SPATC1: variants seen among roughly 807,000 people sequenced by gnomAD.
SPATC1 encodes the protein speriolin.
A neutral mutation model predicts 36.5 loss-of-function variants in SPATC1; 35 were observed. That is an observed-to-expected ratio of 0.96 (90% CI 0.73 to 1.27). The LOEUF is 1.27. Ranked by LOEUF, SPATC1 falls within the 50% of genes most tolerant of loss-of-function variation. The probability of loss-of-function intolerance (pLI) is 0.00; values close to 1 mark genes in which losing one functional copy is unlikely to be tolerated. For synonymous variants in SPATC1, 361 were observed against 353.6 expected, an observed-to-expected ratio of 1.02 and a Z score of -0.24; for missense variants, 779 against 796.0, an observed-to-expected ratio of 0.98 and a Z score of 0.26.
At chr8:144,018,592 T>C (rs1834438848) in intron 1 of SPATC1, among the ~76,000 whole-genome samples, 1 of 151,996 alleles carries the variant, frequency 6.6e-6, no homozygotes, top group Admixed American at 6.6e-5. Context: ...TCTTCCACTA[T>C]CCTAGAAGGG....
At chr8:144,030,605 C>T (rs936728587) in intron 1 of SPATC1, among the ~76,000 whole-genome samples, 10 of 152,110 alleles carry the variant, frequency 6.6e-5, no homozygotes, top group South Asian at 2.1e-4. Context: ...GTGATCCACC[C>T]GCCTCAGCCT....
At position 144,012,338 on chromosome 8, in the gene SPATC1, G is replaced by A. The variant is rs1188385555; in HGVS notation, c.-178G>A. ...CCTGGTGGCATGGAGAGCTGAGGGTGTTAGAGCAGAGAGGGCAAGGAAGAG... is the reference window on the plus strand; with the variant it reads ...CCTGGTGGCATGGAGAGCTGAGGGTATTAGAGCAGAGAGGGCAAGGAAGAG... On this transcript the variant is annotated 5_prime_UTR_variant, in exon 1 of 5. Coordinates refer to ENST00000377470, the MANE Select transcript of SPATC1 (RefSeq NM_198572.3). 5 of 613,570 alleles carry A rather than the reference G, an allele frequency of 8.1e-6. No individual in the cohort carries two copies. The highest frequency in any genetic ancestry group is 1.8e-5 in the African/African-American group (1 of 54,110). 38.0% of individuals were successfully genotyped at this position (613,570 alleles called of 1,614,324 possible). A position where few individuals can be genotyped will look rare whatever the true frequency, so the allele number is the denominator to read the frequency against.
chr8:144,024,684 A>T (rs1834637466), intron 1 of SPATC1, among the ~76,000 whole-genome samples: 1 of 140,888 alleles, frequency 7.1e-6, no homozygotes, highest in Non-Finnish European at 1.5e-5. Context: ...TCCTCAGGAA[A>T]CTTTTCTCTC....
intron 1 of SPATC1, among the ~76,000 whole-genome samples, chr8:144,013,406 T>C (rs1834319011): frequency 6.6e-6 from 1 of 152,126 alleles, no homozygotes; most frequent in South Asian, 2.1e-4. Flanking sequence ...CACTGGAACT[T>C]AGCTCACTCC....
rs1835227924 is a variant in SPATC1 at position 144,045,235 on chromosome 8, A to G, written c.1447-1392A>G. ...GTCTTCCTGCCCCCCACAACTGTGCATATTACTCGTTTGCCTAGAAGGCTC... is the reference window on the plus strand; with the variant it reads ...GTCTTCCTGCCCCCCACAACTGTGCGTATTACTCGTTTGCCTAGAAGGCTC... On this transcript the variant is annotated intron_variant, in intron 4 of 4. Coordinates refer to ENST00000377470, the MANE Select transcript of SPATC1 (RefSeq NM_198572.3). The surrounding 1 kb of genome is among the most constrained non-coding windows in gnomAD (Gnocchi z 5.2). Among the ~76,000 whole-genome samples, 1 of 152,184 alleles carries G rather than the reference A, an allele frequency of 6.6e-6. No homozygotes were observed. Among genetic ancestry groups the G allele is most frequent in the African/African-American group, 2.4e-5 (1 of 41,448 alleles).
intron 1 of SPATC1, among the ~76,000 whole-genome samples, chr8:144,019,335 C>T (rs1327548498): frequency 3.9e-5 from 6 of 152,176 alleles, no homozygotes; most frequent in African/African-American, 1.4e-4. Context: ...AATAAAGAGG[C>T]CAGTGGACTG....
In SPATC1 at chr8:144,045,794, G is replaced by A. The variant is rs1333554641; in HGVS notation, c.1447-833G>A. 7.2e-5 allele frequency among the ~76,000 whole-genome samples: 11 copies of A among 152,248 alleles called. No homozygotes were observed. The highest frequency in any genetic ancestry group is 1.2e-4 in the Non-Finnish European group (8 of 68,050). On this transcript the variant is annotated intron_variant, in intron 4 of 4. Coordinates refer to ENST00000377470, the MANE Select transcript of SPATC1 (RefSeq NM_198572.3). This position sits in a 1 kb window ranked among gnomAD's most constrained non-coding sequence, Gnocchi z 5.2. Reference sequence around the variant, plus strand: ...AAATAATTCAAAACTTAGAACTTCAGGATGGTGCCAACAGCGCATTGAGCT... The same window carrying A: ...AAATAATTCAAAACTTAGAACTTCAAGATGGTGCCAACAGCGCATTGAGCT...
chr8:144,041,779 A>C (rs1554756132), intron 4 of SPATC1, among the ~76,000 whole-genome samples: 1 of 152,146 alleles, frequency 6.6e-6, no homozygotes, highest in East Asian at 1.9e-4. Context: ...CCTACTTACC[A>C]CTTGGGCTTC....
At chr8:144,042,427 C>G (rs192191780) in intron 4 of SPATC1, among the ~76,000 whole-genome samples, 61 of 144,854 alleles carry the variant, frequency 4.2e-4, no homozygotes, top group African/African-American at 1.5e-3. Flanking sequence ...TCAAGCAATT[C>G]TCCTGCCTCA....
Position 144,045,809 on chromosome 8 carries a change from C to T in SPATC1, c.1447-818C>T, listed in dbSNP as rs968539365. 1.3e-5 allele frequency among the ~76,000 whole-genome samples: 2 copies of T among 152,236 alleles called. No homozygotes were observed. Among genetic ancestry groups the T allele is most frequent in the African/African-American group, 2.4e-5 (1 of 41,464 alleles). On this transcript the variant is annotated intron_variant, in intron 4 of 4. Transcript: ENST00000377470. The surrounding 1 kb of genome is among the most constrained non-coding windows in gnomAD (Gnocchi z 5.2). ...TAGAACTTCAGGATGGTGCCAACAG[C>T]GCATTGAGCTGGGCACTGGGCTTCC...
At chr8:144,042,312 T>TATATATATATATATATATATA (rs1491347915) in intron 4 of SPATC1, among the ~76,000 whole-genome samples, 1 of 35,088 alleles carries the variant, frequency 2.8e-5, no homozygotes, top group African/African-American at 1.8e-4. Context: ...TATATATATA[T>TATATATATATATATATATATA]TTTTTTTTTT....
intron 1 of SPATC1, among the ~76,000 whole-genome samples, chr8:144,014,903 G>A (rs2133095203): frequency 6.6e-6 from 1 of 152,368 alleles, no homozygotes; most frequent in South Asian, 2.1e-4. Context: ...TGTGGTGTGG[G>A]TGTGTGAATG....
At chr8:144,012,812 G>C (rs1027231651) in intron 1 of SPATC1, 86 bp downstream of exon 1, 2 of 1,388,676 alleles carry the variant, frequency 1.4e-6, no homozygotes, top group Non-Finnish European at 2.0e-6. Context: ...GGTCTCAGGA[G>C]GTCATGGAGG....
Position 144,040,584 on chromosome 8 carries a change from G to C in SPATC1, c.783G>C (p.Glu261Asp). The part of the protein sequence containing the change: ...TATTKVPLST[E>D]PPQSTQDPEP... The stretch of plus-strand genomic sequence containing the variant: ...CATCACTAGTCCCACTCTCCACTGA[G>C]CCCCCCCAGTCGACCCAGGACCCAG... The change falls in exon 3 of 5, where the codon GAG (glutamate) becomes GAC (aspartate). Residue 261 changes from glutamate to aspartate, a missense_variant. Physicochemically the swap from Glu to Asp is conservative, Grantham distance 45. Transcript: ENST00000377470. The C allele has an allele frequency of 6.3e-7, 1 of 1,594,724 alleles. No homozygotes were observed. The highest frequency in any genetic ancestry group is 8.5e-7 in the Non-Finnish European group (1 of 1,170,780).
intron 1 of SPATC1, among the ~76,000 whole-genome samples, chr8:144,023,114 TTTCCCTCAGGACCCTC>T (rs1451965281): frequency 1.5e-4 from 5 of 32,956 alleles, no homozygotes; most frequent in African/African-American, 6.7e-4. Flanking sequence ...TCAGGACTCC[TTTCCCTCAGGACCCTC>T]TCCCCCCAGG....
At chr8:144,023,687 CCCCCCTTGGGAT>C (rs1834602830) in intron 1 of SPATC1, among the ~76,000 whole-genome samples, 4 of 222 alleles carry the variant, frequency 0.018, 2 homozygotes, top group East Asian at 0.17. Flanking sequence ...CCCCTCAGGA[CCCCCCTTGGGAT>C]CCTCTCCCCT....
chr8:144,031,006 T>C (rs1311694527), intron 1 of SPATC1, among the ~76,000 whole-genome samples: 6 of 152,254 alleles, frequency 3.9e-5, no homozygotes, highest in African/African-American at 7.2e-5. Context: ...TTTATAATCA[T>C]TGTTTTATAC....
At chr8:144,044,289 C>T (rs1005289789) in intron 4 of SPATC1, among the ~76,000 whole-genome samples, 1 of 144,108 alleles carries the variant, frequency 6.9e-6, no homozygotes, top group Admixed American at 6.9e-5. Flanking sequence ...CCTGCCTTCC[C>T]TATTCCTTGA....
At chr8:144,041,141 C>T (rs781885835) in intron 3 of SPATC1, 34 bp downstream of exon 3, 16 of 1,584,046 alleles carry the variant, frequency 1.0e-5, no homozygotes, top group Non-Finnish European at 1.4e-5. Context: ...GCGGGTCGGG[C>T]CCCCAGGCCC....
Sources: allele counts gnomAD v4.1 joint callset (sites outside exome capture counted in the v4.1 genomes callset), GRCh38; gene constraint gnomAD v4.1.1; non-coding constraint Gnocchi (gnomAD v3.1); transcripts MANE v1.5; gene names NCBI Gene and HGNC (gene_info 2026-07-23, HGNC 2026-07-21).